Variants in GDAP1 observed in about 807,000 individuals in gnomAD.
GDAP1 encodes ganglioside induced differentiation associated protein 1, also known as ganglioside-induced differentiation-associated protein 1.
GDAP1 carries 34 observed loss-of-function variants against 40.1 expected under a neutral mutation model. The ratio of observed to expected loss-of-function variants is 0.85; its 90% CI spans 0.64 to 1.13. The LOEUF is 1.13. GDAP1 is among the 50% of genes most tolerant of loss of function. The pLI is 0.00. For missense variants in GDAP1, 374 were observed against 433.7 expected (o/e 0.86, Z 1.22); for synonymous variants, 170 against 157.4 (o/e 1.08, Z -0.60).
intron 2 of GDAP1, among the ~76,000 whole-genome samples, chr8:74,423,581 C>G (rs555417309): frequency 4.5e-4 from 69 of 151,904 alleles, no homozygotes; most frequent in African/African-American, 1.6e-3. Flanking sequence ...AAACCTAATA[C>G]AAGCTAAATA....
rs1448664085 is a variant in GDAP1 at position 74,350,567 on chromosome 8, A to C, written c.106A>C (p.Ser36Arg). The C allele has an allele frequency of 6.3e-6, 10 of 1,593,884 alleles. No homozygotes were observed. Among genetic ancestry groups the C allele is most frequent in the Non-Finnish European group, 7.7e-6 (9 of 1,161,492 alleles). Reference sequence around the variant, plus strand: ...TCTGTACCATTGGACGCATTCCTTCAGCTCTCAAAAGGTACAACAGGCCTT... The same window carrying C: ...TCTGTACCATTGGACGCATTCCTTCCGCTCTCAAAAGGTACAACAGGCCTT... ...LILYHWTHSF[S>R]SQKVRLVIAE... Residue 36 changes from serine (S) to arginine (R), a missense_variant, in exon 1 of 6, where the codon AGC (serine) becomes CGC (arginine). Coordinates refer to ENST00000220822, the MANE Select transcript of GDAP1 (RefSeq NM_018972.4).
At chr8:74,486,712 CT>C (rs1340629294) in intron 2 of GDAP1, among the ~76,000 whole-genome samples, 2 of 152,156 alleles carry the variant, frequency 1.3e-5, no homozygotes, top group Non-Finnish European at 1.5e-5. Context: ...TACCTGAAGT[CT>C]CCTTTCTCAG....
rs1028072834 is a variant in GDAP1 at position 74,420,583 on chromosome 8, C to T, written c.166-68095C>T. ...ACAGCAGCAGTAACAACACCTGCAG[C>T]TACCGTCTCTTGAATGTGTCAGATG... is the stretch of plus-strand genomic sequence containing the variant. On this transcript the variant is annotated intron_variant, in intron 2 of 2. Transcript: ENST00000523640. Among the ~76,000 whole-genome samples, 7 of 152,190 alleles carry T rather than the reference C, an allele frequency of 4.6e-5. No homozygotes were observed. In the East Asian group the frequency reaches 1.3e-3, roughly 29 times the overall value.
At chr8:74,463,454 C>T (rs1806428587) in intron 2 of GDAP1, among the ~76,000 whole-genome samples, 1 of 96,880 alleles carries the variant, frequency 1.0e-5, no homozygotes, top group African/African-American at 4.5e-5. Context: ...GAGCGAGACC[C>T]TGTCTCAAAA....
At chr8:74,405,357 T>A (rs1301410008) in intron 2 of GDAP1, among the ~76,000 whole-genome samples, 2 of 150,292 alleles carry the variant, frequency 1.3e-5, no homozygotes, top group East Asian at 3.8e-4. Flanking sequence ...CATATCATTA[T>A]GTAAATAGTT....
At chr8:74,447,049 T>G (rs1806238214) in intron 2 of GDAP1, among the ~76,000 whole-genome samples, 1 of 152,132 alleles carries the variant, frequency 6.6e-6, no homozygotes. Context: ...ATATAATCTT[T>G]CCACAAGGGC....
chr8:74,422,180 T>C (rs1044549692), intron 2 of GDAP1, among the ~76,000 whole-genome samples: 3 of 151,288 alleles, frequency 2.0e-5, no homozygotes, highest in Non-Finnish European at 3.0e-5. Context: ...CTTTTCTTTC[T>C]TTCTTTTTTC....
At chr8:74,397,907 C>T (rs908656310) in intron 2 of GDAP1, among the ~76,000 whole-genome samples, 7 of 151,640 alleles carry the variant, frequency 4.6e-5, no homozygotes, top group African/African-American at 1.5e-4. Flanking sequence ...TCATTGGTAG[C>T]TTGATGGGGA....
At chr8:74,463,716 A>C (rs1806432530) in intron 2 of GDAP1, among the ~76,000 whole-genome samples, 1 of 152,270 alleles carries the variant, frequency 6.6e-6, no homozygotes, top group African/African-American at 2.4e-5. Context: ...ACATAGGTAG[A>C]GAAACTAAAC....
chr8:74,421,072 T>C (rs1470092857), intron 2 of GDAP1, among the ~76,000 whole-genome samples: 7 of 152,132 alleles, frequency 4.6e-5, no homozygotes, highest in Admixed American at 3.3e-4. Context: ...GATAGATAGA[T>C]AGACAGATAT....
At position 74,472,561 on chromosome 8, in the gene GDAP1, A is replaced by G. The variant is rs187154027; in HGVS notation, c.166-16117A>G. Among the ~76,000 whole-genome samples the G allele has an allele frequency of 6.5e-3, 991 of 152,280 alleles. 10 individuals are homozygous for G. The highest frequency in any genetic ancestry group is 0.022 in the African/African-American group (930 of 41,556). On this transcript the variant is annotated intron_variant, in intron 2 of 2. Coordinates refer to the GDAP1 transcript ENST00000523640. ...TAATTTACACTCCCACCAACAGTGT[A>G]TAAGTGTTCCCTTTTCTCTGCAACC...
chr8:74,366,909 A>G (rs909463010), downstream of GDAP1: 6 of 385,948 alleles, frequency 1.6e-5, no homozygotes, highest in East Asian at 4.5e-4. Flanking sequence ...TGGAAAACAG[A>G]TATATTTTTT....
At chr8:74,458,741 A>C (rs539321633) in intron 2 of GDAP1, among the ~76,000 whole-genome samples, 1 of 152,244 alleles carries the variant, frequency 6.6e-6, no homozygotes, top group East Asian at 1.9e-4. Context: ...ATTTAACCTT[A>C]TTTGGAGATA....
chr8:74,381,776 AAAG>A (rs1809957703), intron 2 of GDAP1, among the ~76,000 whole-genome samples: 1 of 137,688 alleles, frequency 7.3e-6, no homozygotes, highest in African/African-American at 2.7e-5. Context: ...AAAAAAAAAA[AAAG>A]TAAGTACATG....
intron 2 of GDAP1, among the ~76,000 whole-genome samples, chr8:74,437,562 C>T (rs904540055): frequency 2.0e-5 from 3 of 152,100 alleles, no homozygotes; most frequent in African/African-American, 7.2e-5. Context: ...TTATTCACAT[C>T]TCTCTTTCCC....
chr8:74,417,244 T>G lies in GDAP1; in HGVS notation c.165+65923T>G, dbSNP rs922766731. On this transcript the variant is annotated intron_variant, in intron 2 of 2. Transcript: ENST00000523640. Reference sequence around the variant, plus strand: ...ACTCTCAGCTTACATAGAAGAAAATTTCCTCGACTTGATAAACAGAATCTA... The same window carrying G: ...ACTCTCAGCTTACATAGAAGAAAATGTCCTCGACTTGATAAACAGAATCTA... Among the ~76,000 whole-genome samples, 3 of 150,024 alleles carry G rather than the reference T, an allele frequency of 2.0e-5. 1 individual carries two copies. The highest frequency in any genetic ancestry group is 6.6e-5 in the Admixed American group (1 of 15,224).
chr8:74,393,163 A>G (rs1334747521), intron 2 of GDAP1, among the ~76,000 whole-genome samples: 1 of 152,228 alleles, frequency 6.6e-6, no homozygotes, highest in Non-Finnish European at 1.5e-5. Context: ...TTATTATAGC[A>G]CATACTTTTC....
chr8:74,363,132 C>T (rs541778476), intron 5 of GDAP1, 79 bp downstream of exon 5: 32 of 767,018 alleles, frequency 4.2e-5, no homozygotes, highest in Middle Eastern at 2.4e-4. Context: ...TCACCAAAAA[C>T]GTTCTGTAAT....
At chr8:74,405,993 A>G (rs1175592622) in intron 2 of GDAP1, among the ~76,000 whole-genome samples, 1 of 150,216 alleles carries the variant, frequency 6.7e-6, no homozygotes, top group African/African-American at 2.5e-5. Context: ...AGATTTTCCA[A>G]GGAGTCAAAA....
Sources: allele counts gnomAD v4.1 joint callset (sites outside exome capture counted in the v4.1 genomes callset), GRCh38; gene constraint gnomAD v4.1.1; transcripts MANE v1.5; gene names NCBI Gene and HGNC (gene_info 2026-07-23, HGNC 2026-07-21).